The following DLG2 variants were observed in gnomAD, a reference collection of about 807,000 sequenced individuals.
DLG2 encodes the protein disks large homolog 2.
A neutral mutation model predicts 132.5 loss-of-function variants in DLG2; 45 were observed. The ratio of observed to expected loss-of-function variants is 0.34; its 90% CI spans 0.27 to 0.44. DLG2 has a LOEUF of 0.44. DLG2 is among the 20% of genes least tolerant of loss of function. The pLI is 1.00. For synonymous variants in DLG2, 424 were observed against 419.6 expected (o/e 1.01, Z -0.13); for missense variants, 1,045 against 1,196.9 (o/e 0.87, Z 1.87).
At chr11:84,859,380 A>G (rs2154027790) in intron 6 of DLG2, among the ~76,000 whole-genome samples, 1 of 146,596 alleles carries the variant, frequency 6.8e-6, no homozygotes, top group East Asian at 2.0e-4. Flanking sequence ...ATACACATAT[A>G]TATGCATACA....
At chr11:84,326,205 G>A (rs941216256) in intron 7 of DLG2, among the ~76,000 whole-genome samples, 9 of 151,584 alleles carry the variant, frequency 5.9e-5, no homozygotes, top group African/African-American at 1.7e-4. Context: ...TAGTTTCAAT[G>A]ATTTTTTTCT....
At chr11:83,714,719 A>C (rs1462222550) in intron 18 of DLG2, among the ~76,000 whole-genome samples, 3 of 152,180 alleles carry the variant, frequency 2.0e-5, no homozygotes, top group African/African-American at 7.2e-5. Context: ...ACTGATAACT[A>C]TAATTTGTTT....
At chr11:85,124,817 GT>G (rs1221517630) in intron 5 of DLG2, among the ~76,000 whole-genome samples, 1 of 149,378 alleles carries the variant, frequency 6.7e-6, no homozygotes, top group Non-Finnish European at 1.5e-5. Flanking sequence ...ATTTTTTAAA[GT>G]TTTGAGCACA....
chr11:85,459,577 C>A (rs1013014835), intron 3 of DLG2, among the ~76,000 whole-genome samples: 4 of 151,980 alleles, frequency 2.6e-5, no homozygotes, highest in Non-Finnish European at 5.9e-5. Context: ...GGTGCAAAGC[C>A]GGGGCCCTGC....
intron 11 of DLG2, among the ~76,000 whole-genome samples, chr11:84,019,015 G>A (rs920003200): frequency 6.6e-6 from 1 of 151,870 alleles, no homozygotes. Flanking sequence ...ATTATAATAG[G>A]CATGTAGAAG....
chr11:84,198,799 C>T (rs892143198), intron 8 of DLG2, among the ~76,000 whole-genome samples: 1 of 152,080 alleles, frequency 6.6e-6, no homozygotes, highest in East Asian at 1.9e-4. Flanking sequence ...AGATAGTTGA[C>T]TTTGCACTCA....
intron 26 of DLG2, among the ~76,000 whole-genome samples, chr11:83,464,068 AG>A (rs756083181): frequency 3.2e-4 from 49 of 152,244 alleles, no homozygotes; most frequent in Non-Finnish European, 7.3e-5. Flanking sequence ...ATGGGGAGCT[AG>A]ATAAACATAA....
chr11:84,596,759 T>C (rs753060884), intron 6 of DLG2, among the ~76,000 whole-genome samples: 13 of 152,178 alleles, frequency 8.5e-5, no homozygotes, highest in Non-Finnish European at 1.6e-4. Flanking sequence ...GATTTTGGAA[T>C]TACATATTAT....
At chr11:84,287,358 C>G (rs753824963) in intron 7 of DLG2, among the ~76,000 whole-genome samples, 8 of 152,036 alleles carry the variant, frequency 5.3e-5, no homozygotes, top group Non-Finnish European at 8.8e-5. Context: ...AAACTGAGAT[C>G]TAGACTAGTT....
chr11:85,364,932 T>TA (rs1296054783), intron 3 of DLG2, among the ~76,000 whole-genome samples: 11 of 152,118 alleles, frequency 7.2e-5, no homozygotes, highest in African/African-American at 2.6e-4. Context: ...ACCAAAAAAT[T>TA]ATAAAGGTGC....
intron 6 of DLG2, among the ~76,000 whole-genome samples, chr11:84,724,419 G>T (rs561352470): frequency 6.6e-6 from 1 of 152,242 alleles, no homozygotes; most frequent in East Asian, 1.9e-4. Flanking sequence ...ATTCCACAGA[G>T]TGCTAGAGCC....
intron 7 of DLG2, among the ~76,000 whole-genome samples, chr11:84,252,540 C>T (rs1258876786): frequency 6.6e-6 from 1 of 151,842 alleles, no homozygotes; most frequent in African/African-American, 2.4e-5. Flanking sequence ...GTTCAACTTT[C>T]TTTTTTTTAA....
chr11:84,776,743 G>A (rs893688868), intron 6 of DLG2, among the ~76,000 whole-genome samples: 1 of 152,038 alleles, frequency 6.6e-6, no homozygotes, highest in Non-Finnish European at 1.5e-5. Flanking sequence ...TATTTCATTT[G>A]CTTATATTGC....
intron 3 of DLG2, among the ~76,000 whole-genome samples, chr11:85,500,813 G>A (rs571646924): frequency 6.6e-6 from 1 of 152,210 alleles, no homozygotes; most frequent in Non-Finnish European, 1.5e-5. Flanking sequence ...TGGATAGGAA[G>A]AATCAATATC....
intron 3 of DLG2, among the ~76,000 whole-genome samples, chr11:85,585,662 T>C (rs559596484): frequency 1.2e-4 from 19 of 152,312 alleles, no homozygotes; most frequent in African/African-American, 3.8e-4. Context: ...TCTCCATCTA[T>C]TGAGATGATC....
At chr11:84,463,692 T>A (rs1320416485) in intron 7 of DLG2, among the ~76,000 whole-genome samples, 1 of 151,254 alleles carries the variant, frequency 6.6e-6, no homozygotes, top group African/African-American at 2.4e-5. Context: ...CATCTCTGTA[T>A]CCTCAGGGTC....
At chr11:84,564,535 G>T (rs544678823) in intron 6 of DLG2, among the ~76,000 whole-genome samples, 1 of 152,148 alleles carries the variant, frequency 6.6e-6, no homozygotes, top group African/African-American at 2.4e-5. Context: ...ATAAAATATC[G>T]CTTGTTTTTA....
chr11:84,546,789 C>A, intron 6 of DLG2: 1 of 240,526 alleles, frequency 4.2e-6, no homozygotes, highest in Non-Finnish European at 8.5e-6. Context: ...CCTCAACCCT[C>A]CAATGAAGAC....
chr11:85,529,054 T>C (rs1181152052), intron 3 of DLG2, among the ~76,000 whole-genome samples: 1 of 152,228 alleles, frequency 6.6e-6, no homozygotes, highest in Non-Finnish European at 1.5e-5. Context: ...ACAAGCATAA[T>C]GTCAAGAAAA....
Sources: allele counts gnomAD v4.1 joint callset (sites outside exome capture counted in the v4.1 genomes callset), GRCh38; gene constraint gnomAD v4.1.1; transcripts MANE v1.5; gene names NCBI Gene and HGNC (gene_info 2026-07-23, HGNC 2026-07-21).